Variants in FAM161A observed in about 807,000 individuals in gnomAD.
The protein encoded by FAM161A is protein FAM161A.
FAM161A carries 57 observed loss-of-function variants against 70.9 expected under a neutral mutation model. The ratio of observed to expected loss-of-function variants is 0.80; its 90% CI spans 0.65 to 1.00. The LOEUF is 1.00. FAM161A is among the 50% of genes least tolerant of loss of function. The pLI is 0.00. For synonymous variants in FAM161A, 299 were observed against 295.7 expected, an observed-to-expected ratio of 1.01 and a Z score of -0.12; for missense variants, 880 against 836.0, an observed-to-expected ratio of 1.05 and a Z score of -0.65.
Position 61,839,453 on chromosome 2 carries a change from C to A in FAM161A, c.1551G>T (p.Thr517=), listed in dbSNP as rs143622468. The A allele has an allele frequency of 1.2e-6, 2 of 1,614,112 alleles. No homozygotes were observed. The highest frequency in any genetic ancestry group is 1.7e-6 in the Non-Finnish European group (2 of 1,180,038). Reference sequence around the variant, plus strand: ...CTTGTTCTCGTCCTCTGGAAGATACCGTGGGCACGGGAGGGTTGCAGTTAC... The same window carrying A: ...CTTGTTCTCGTCCTCTGGAAGATACAGTGGGCACGGGAGGGTTGCAGTTAC... ...VPCNCNPPVP[T]VSSRGREQAV... The change falls in exon 3 of 7, where the codon ACG becomes ACT. Residue 517 remains threonine, a synonymous_variant. Transcript: ENST00000404929.
chr2:61,822,007 A>G (rs950550027), downstream of FAM161A, among the ~76,000 whole-genome samples: 8 of 150,778 alleles, frequency 5.3e-5, no homozygotes, highest in Admixed American at 2.0e-4. Context: ...GACCTCAAGT[A>G]ATCTGCCTGC....
In FAM161A at chr2:61,826,629, A is replaced by T; in HGVS notation, c.2007-30T>A. ...GGGAAGAAATTTATCAATCTTTCAA[A>T]GGAAAAATGAGTTGGTTTAAAGGTA... On this transcript the variant is annotated intron_variant, in intron 6 of 6. Coordinates refer to ENST00000404929, the MANE Select transcript of FAM161A (RefSeq NM_001201543.2). 2.5e-6 allele frequency: 4 copies of T among 1,585,768 alleles called. No individual in the cohort carries two copies. The South Asian group carries it at 4.5e-5, about 18-fold the overall frequency.
intron 4 of FAM161A, among the ~76,000 whole-genome samples, chr2:61,838,157 C>T (rs1672842218): frequency 1.3e-5 from 2 of 152,172 alleles, no homozygotes; most frequent in African/African-American, 4.8e-5. Context: ...CGATGTTTAA[C>T]GTGTTAATTT....
At chr2:61,851,453 C>T (rs1050560629) in intron 1 of FAM161A, among the ~76,000 whole-genome samples, 8 of 151,958 alleles carry the variant, frequency 5.3e-5, no homozygotes, top group Admixed American at 3.9e-4. Context: ...TCTGCCTCAG[C>T]GCCCCCTAGT....
chr2:61,829,623 C>T (rs1464860212), intron 5 of FAM161A, among the ~76,000 whole-genome samples: 1 of 152,118 alleles, frequency 6.6e-6, no homozygotes, highest in Non-Finnish European at 1.5e-5. Context: ...AACCCCAAAC[C>T]TAGCTCTGAA....
At chr2:61,802,740 A>G in the FAM161A span, among the ~76,000 whole-genome samples, 1 of 152,212 alleles carries the variant, frequency 6.6e-6, no homozygotes, top group Admixed American at 6.5e-5. Flanking sequence ...GTATTCATTC[A>G]GTCATCCTCC....
chr2:61,826,535 T>A lies in FAM161A; in HGVS notation c.2071A>T (p.Asn691Tyr). Residue 691 changes from asparagine (N) to tyrosine (Y), a missense_variant, in exon 7 of 7, where the codon AAC becomes TAC. By Grantham distance (143) the Asn-to-Tyr change is moderately radical. Coordinates refer to ENST00000404929, the MANE Select transcript of FAM161A (RefSeq NM_001201543.2). ...NGEENYFIDTNSQDSYKEKDE... is the reference protein window; with the variant it reads ...NGEENYFIDTYSQDSYKEKDE... ...TTTTCCTTGTAAGAATCCTGGCTGT[T>A]GGTATCAATAAAATAATTTTCTTCC... 1 of 1,604,118 alleles carries A rather than the reference T, an allele frequency of 6.2e-7. No individual in the cohort carries two copies. Among genetic ancestry groups the A allele is most frequent in the Non-Finnish European group, 8.5e-7 (1 of 1,173,560 alleles).
the FAM161A span, among the ~76,000 whole-genome samples, chr2:61,816,736 G>A: frequency 1.3e-5 from 2 of 152,166 alleles, no homozygotes; most frequent in East Asian, 3.9e-4. Context: ...CAAAGTGCTA[G>A]GATTACAGGT....
At chr2:61,853,674 A>G (rs1673574623) in intron 1 of FAM161A, among the ~76,000 whole-genome samples, 185 bp downstream of exon 1, 1 of 152,208 alleles carries the variant, frequency 6.6e-6, no homozygotes, top group Admixed American at 6.5e-5. Flanking sequence ...ACACTTTTCA[A>G]CGCCTCGATT....
intron 5 of FAM161A, 24 bp from the exon 6 acceptor site, chr2:61,827,282 A>G: frequency 1.2e-6 from 2 of 1,609,710 alleles, no homozygotes; most frequent in Non-Finnish European, 1.7e-6. Flanking sequence ...AAACCTTTTT[A>G]GACGAGAACA....
At chr2:61,810,175 T>C in the FAM161A span, among the ~76,000 whole-genome samples, 1 of 152,126 alleles carries the variant, frequency 6.6e-6, no homozygotes, top group East Asian at 1.9e-4. Flanking sequence ...CAGCTGAAAC[T>C]AAATTATACA....
downstream of FAM161A, among the ~76,000 whole-genome samples, chr2:61,821,363 T>G (rs1400627795): frequency 6.6e-6 from 1 of 152,206 alleles, no homozygotes; most frequent in African/African-American, 2.4e-5. Context: ...GCCTTGACTT[T>G]TAATAGTTAT....
At chr2:61,846,134 C>A (rs947907426) in intron 1 of FAM161A, among the ~76,000 whole-genome samples, 13 of 145,822 alleles carry the variant, frequency 8.9e-5, no homozygotes, top group Admixed American at 4.8e-4. Flanking sequence ...TCTATAGGAT[C>A]ACAGAGTGTT....
chr2:61,810,273 A>G, the FAM161A span, among the ~76,000 whole-genome samples: 1 of 152,134 alleles, frequency 6.6e-6, no homozygotes, highest in Non-Finnish European at 1.5e-5. Flanking sequence ...TCTAAGGAGC[A>G]GGTTATTACT....
At chr2:61,801,098 A>C in the FAM161A span, among the ~76,000 whole-genome samples, 1 of 152,098 alleles carries the variant, frequency 6.6e-6, no homozygotes, top group Non-Finnish European at 1.5e-5. Flanking sequence ...CTCAGCCATA[A>C]ATCTGCTATT....
Position 61,838,605 on chromosome 2 carries a change from G to A in FAM161A, c.1684C>T (p.Arg562Trp), listed in dbSNP as rs758751186. 6 of 1,611,678 alleles carry A rather than the reference G, an allele frequency of 3.7e-6. No individual in the cohort carries two copies. The highest frequency in any genetic ancestry group is 3.3e-4 in the Middle Eastern group (2 of 6,080). Reference protein sequence around the residue: ...MKELQKLLTTRAKAYDSHQSL... With the variant: ...MKELQKLLTTWAKAYDSHQSL... ...TGATGTGAGTCATAAGCCTTAGCCCGGGTTGTCAGGAGTTTCTGCAATTCT... is the reference window on the plus strand; with the variant it reads ...TGATGTGAGTCATAAGCCTTAGCCCAGGTTGTCAGGAGTTTCTGCAATTCT... The change falls in exon 4 of 7, where the codon CGG becomes TGG. Residue 562 changes from arginine to tryptophan, a missense_variant. Coordinates refer to ENST00000404929, the MANE Select transcript of FAM161A (RefSeq NM_001201543.2).
At chr2:61,844,937 G>A (rs1246211433) in intron 1 of FAM161A, among the ~76,000 whole-genome samples, 1 of 152,174 alleles carries the variant, frequency 6.6e-6, no homozygotes, top group Non-Finnish European at 1.5e-5. Flanking sequence ...GTTGGACGAG[G>A]ACAAAGTTTG....
chr2:61,804,764 G>T, the FAM161A span, among the ~76,000 whole-genome samples: 1 of 55,900 alleles, frequency 1.8e-5, no homozygotes, highest in Non-Finnish European at 3.3e-5. Flanking sequence ...GAAAGAAAAA[G>T]AAAGAGAAAG....
the FAM161A span, among the ~76,000 whole-genome samples, chr2:61,811,961 C>T: frequency 3.3e-5 from 5 of 152,158 alleles, no homozygotes; most frequent in Non-Finnish European, 7.4e-5. Flanking sequence ...ACTCTCTCCA[C>T]GTCTCACTGC....
Sources: gnomAD v4.1 joint callset for allele counts (sites outside exome capture counted in the v4.1 genomes callset) on GRCh38, gnomAD v4.1.1 for gene constraint, MANE v1.5 for transcripts, NCBI Gene and HGNC (gene_info 2026-07-23, HGNC 2026-07-21) for gene names.